Variants in KLHL7 observed in about 807,000 individuals in gnomAD.
KLHL7 encodes kelch like family member 7.
KLHL7 carries 44 observed loss-of-function variants against 67.4 expected under a neutral mutation model. That is an observed-to-expected ratio of 0.65 (90% CI 0.51 to 0.84). The LOEUF (loss-of-function observed/expected upper bound fraction) is 0.84. Among genes scored for constraint, KLHL7 ranks in the 40% least tolerant of loss-of-function variants. The pLI, the probability that KLHL7 is intolerant of heterozygous loss-of-function variation, is 0.00. For missense variants in KLHL7, 362 were observed against 718.1 expected (o/e 0.50, Z 5.67); for synonymous variants, 252 against 243.3 (o/e 1.04, Z -0.33).
intron 4 of KLHL7, among the ~76,000 whole-genome samples, chr7:23,126,410 T>C (rs909983522): frequency 2.0e-5 from 3 of 152,180 alleles, no homozygotes; most frequent in Non-Finnish European, 2.9e-5. Flanking sequence ...ATTCAGAGGC[T>C]TTAAAGAAAG....
Position 23,174,758 on chromosome 7 carries a change from G to C in KLHL7, c.*460G>C, listed in dbSNP as rs778301714. 2.2e-5 allele frequency: 10 copies of C among 454,786 alleles called. 1 individual carries two copies. The highest frequency in any genetic ancestry group is 1.4e-4 in the South Asian group (9 of 64,476). 28.2% of individuals were successfully genotyped at this position (454,786 alleles called of 1,614,324 possible). A position where few individuals can be genotyped will look rare whatever the true frequency, so the allele number is the denominator to read the frequency against. On this transcript the variant is annotated 3_prime_UTR_variant, in exon 11 of 11. Transcript: ENST00000339077. The stretch of plus-strand genomic sequence containing the variant: ...TGGGCAACTCAGATGGAGCAGCTTA[G>C]TCTCACAGTTTGCTTGTCTATTTAT...
chr7:23,112,722 G>A (rs1011930383), intron 1 of KLHL7, among the ~76,000 whole-genome samples: 26 of 152,262 alleles, frequency 1.7e-4, no homozygotes, highest in African/African-American at 6.0e-4. Context: ...GTGGTTTGTT[G>A]ACTGTAGTAA....
chr7:23,142,949 A>G (rs1323321855), intron 5 of KLHL7, among the ~76,000 whole-genome samples: 1 of 152,174 alleles, frequency 6.6e-6, no homozygotes, highest in Non-Finnish European at 1.5e-5. Flanking sequence ...AGTTATGACA[A>G]ATATACCATA....
chr7:23,117,965 G>T (rs965427639), intron 1 of KLHL7: 53 of 1,614,006 alleles, frequency 3.3e-5, no homozygotes, highest in Non-Finnish European at 4.3e-5. Context: ...AAATCTAAAG[G>T]TTAGTCATTC....
At chr7:23,165,126 A>G (rs1184973616) in intron 7 of KLHL7, among the ~76,000 whole-genome samples, 1 of 152,224 alleles carries the variant, frequency 6.6e-6, no homozygotes, top group Non-Finnish European at 1.5e-5. Context: ...CTTAGAAGAG[A>G]TTACTCAAGT....
At chr7:23,170,549 C>T (rs986019704) in intron 9 of KLHL7, among the ~76,000 whole-genome samples, 3 of 152,084 alleles carry the variant, frequency 2.0e-5, no homozygotes, top group Non-Finnish European at 4.4e-5. Context: ...TTGTATATTT[C>T]AAAATAGCTA....
chr7:23,153,332 A>C (rs1388043033), intron 7 of KLHL7, among the ~76,000 whole-genome samples: 3 of 152,196 alleles, frequency 2.0e-5, no homozygotes, highest in Non-Finnish European at 2.9e-5. Flanking sequence ...ACACCCCTCC[A>C]TGAAGGCACA....
chr7:23,143,919 C>T lies in KLHL7; in HGVS notation c.687C>T (p.Ile229=). Residue 229 remains isoleucine, a synonymous_variant, in exon 6 of 11, where the codon ATC becomes ATT. Transcript: ENST00000339077. ...EPNRQPFMVD[I]LAKVRFPLIS... ...ATCGCCAGCCATTTATGGTTGATAT[C>T]CTTGCTAAAGTCAGGTTTCCTCTTA... 6.2e-7 allele frequency: 1 copy of T among 1,614,040 alleles called. No individual in the cohort carries two copies. Among genetic ancestry groups the T allele is most frequent in the Non-Finnish European group, 8.5e-7 (1 of 1,179,948 alleles).
intron 7 of KLHL7, among the ~76,000 whole-genome samples, chr7:23,157,228 G>A (rs1461836464): frequency 6.6e-6 from 1 of 152,344 alleles, no homozygotes; most frequent in African/African-American, 2.4e-5. Flanking sequence ...AAGAGCTCTA[G>A]AAGTACTACA....
chr7:23,172,947 G>C lies in KLHL7; in HGVS notation c.1380-1G>C, dbSNP rs1241667469. 4 of 1,611,958 alleles carry C rather than the reference G, an allele frequency of 2.5e-6. No individual in the cohort carries two copies. The highest frequency in any genetic ancestry group is 3.4e-6 in the Non-Finnish European group (4 of 1,178,300). On this transcript the variant is annotated splice_acceptor_variant, in intron 9 of 10. Transcript: ENST00000339077. LOFTEE classifies it high-confidence loss of function. ...CACACTAAAAACTTTAATTTTTTCAGATGGACTGAGCTGTGTCCAATGATT... is the reference window on the plus strand; with the variant it reads ...CACACTAAAAACTTTAATTTTTTCACATGGACTGAGCTGTGTCCAATGATT...
At chr7:23,120,303 A>G (rs1486076265) in intron 1 of KLHL7, among the ~76,000 whole-genome samples, 2 of 152,076 alleles carry the variant, frequency 1.3e-5, no homozygotes, top group African/African-American at 4.8e-5. Context: ...GAGTCACCAC[A>G]CCCAGCCCCA....
chr7:23,146,049 A>G (rs1359217661), intron 6 of KLHL7, among the ~76,000 whole-genome samples: 1 of 151,646 alleles, frequency 6.6e-6, no homozygotes, highest in Non-Finnish European at 1.5e-5. Flanking sequence ...ATGTTTTCAG[A>G]CTCCCATCCT....
chr7:23,172,172 A>T (rs1785183685), intron 9 of KLHL7: 1 of 456,490 alleles, frequency 2.2e-6, no homozygotes, highest in Middle Eastern at 3.3e-4. Context: ...CTTCACAATC[A>T]CAAATGTCAG....
At chr7:23,124,654 C>A in intron 2 of KLHL7, 34 bp from the exon 3 acceptor site, 1 of 1,315,902 alleles carries the variant, frequency 7.6e-7, no homozygotes, top group Non-Finnish European at 1.1e-6. Flanking sequence ...TGTGGTAGTA[C>A]AGATGCCATT....
chr7:23,167,612 G>C (rs1260710115), intron 8 of KLHL7, among the ~76,000 whole-genome samples: 2 of 151,888 alleles, frequency 1.3e-5, no homozygotes, highest in Admixed American at 6.6e-5. Context: ...CAATAAATAA[G>C]TATTTCCAAC....
intron 4 of KLHL7, among the ~76,000 whole-genome samples, chr7:23,132,089 A>G (rs922588693): frequency 1.3e-5 from 2 of 152,120 alleles, no homozygotes; most frequent in African/African-American, 4.8e-5. Flanking sequence ...AATCTTAGCT[A>G]TTGTAGACAG....
chr7:23,170,885 C>T (rs954685343), intron 9 of KLHL7, among the ~76,000 whole-genome samples: 4 of 149,264 alleles, frequency 2.7e-5, no homozygotes, highest in Non-Finnish European at 4.4e-5. Flanking sequence ...ACAGTTTGAG[C>T]GGTCAGAATT....
intron 1 of KLHL7, chr7:23,117,809 G>T: frequency 1.9e-6 from 3 of 1,580,404 alleles, no homozygotes; most frequent in Non-Finnish European, 2.6e-6. Flanking sequence ...TCTAATAAGG[G>T]CCTCATTTCC....
At chr7:23,171,185 GA>G in intron 9 of KLHL7, 4 of 358,512 alleles carry the variant, frequency 1.1e-5, no homozygotes, top group East Asian at 1.1e-4. Flanking sequence ...GATTACAGGC[GA>G]AAAAACGCTT....
Sources: gnomAD v4.1 joint callset for allele counts (sites outside exome capture counted in the v4.1 genomes callset) on GRCh38, gnomAD v4.1.1 for gene constraint, MANE v1.5 for transcripts, NCBI Gene and HGNC (gene_info 2026-07-23, HGNC 2026-07-21) for gene names.